Variants in OR2T12 observed in about 807,000 individuals in gnomAD.
The protein encoded by OR2T12 is olfactory receptor family 2 subfamily T member 12, also known as olfactory receptor 2T12.
For missense variants in OR2T12, 335 were observed against 404.3 expected (o/e 0.83, Z 1.47); for synonymous variants, 127 against 160.5 (o/e 0.79, Z 1.58).
rs755300072 is a variant in OR2T12, at chr1:248,295,421, A to G, written c.158T>C (p.Leu53Pro). 1.7e-5 allele frequency: 28 copies of G among 1,609,790 alleles called. 1 individual carries two copies. In the Middle Eastern group the frequency reaches 9.9e-4, roughly 57 times the overall value. The change falls in exon 3 of 3, where the codon CTC becomes CCC. Residue 53 changes from leucine to proline, a missense_variant. Transcript: ENST00000641276. ...CAGGAGGAAGTACATGGGCCTGTGG[A>G]GCCGGTGGTCCCAGTGAATCAGGAG... ...MILLIHWDHR[L>P]HRPMYFLLSQ...
rs779382803 is a variant in OR2T12 at position 248,295,028 on chromosome 1, C to T, written c.551G>A (p.Arg184His). Reference protein sequence around the residue: ...HFFCEAPVLVRLACADTSVFE... With the variant: ...HFFCEAPVLVHLACADTSVFE... ...GACTGAAGTGTCAGCACAAGCCAAA[C>T]GCACCAACACGGGGGCCTCGCAGAA... The change falls in exon 3 of 3, where the codon CGT becomes CAT. Residue 184 changes from arginine (R) to histidine (H), a missense_variant. Physicochemically the swap from Arg to His is conservative, Grantham distance 29. Transcript: ENST00000641276. 12 of 1,609,956 alleles carry T rather than the reference C, an allele frequency of 7.5e-6. No individual in the cohort carries two copies. The highest frequency in any genetic ancestry group is 1.1e-5 in the South Asian group (1 of 90,892).
chr1:248,299,150 A>T (rs1659778308), intron 2 of OR2T12, among the ~76,000 whole-genome samples: 1 of 152,150 alleles, frequency 6.6e-6, no homozygotes, highest in South Asian at 2.1e-4. Context: ...TAACCAGCTA[A>T]CATCATAATG....
At chr1:248,300,048 A>G (rs1659792863) in intron 2 of OR2T12, among the ~76,000 whole-genome samples, 1 of 152,204 alleles carries the variant, frequency 6.6e-6, no homozygotes, top group East Asian at 1.9e-4. Context: ...ATGTAGAGGG[A>G]AATTAATAGC....
rs1659630103 is a variant in OR2T12, at chr1:248,291,279, A to G, written c.*3337T>C. On this transcript the variant is annotated 3_prime_UTR_variant, in exon 3 of 3. Coordinates refer to ENST00000641276, the MANE Select transcript of OR2T12 (RefSeq NM_001004692.2). ...ACAATATCAATGTGTAAAAATCACA[A>G]GCTTTCCCATACACCAATAATAGAC... 2 of 152,078 alleles carry G rather than the reference A, an allele frequency of 1.3e-5. No homozygotes were observed. Among genetic ancestry groups the G allele is most frequent in the African/African-American group, 4.8e-5 (2 of 41,370 alleles). The allele number at this position is 152,078 out of a possible 1,614,324, so 9.4% of individuals were successfully genotyped here.
chr1:248,295,210 A>G lies in OR2T12; in HGVS notation c.369T>C (p.Ala123=), dbSNP rs776066398. The G allele has an allele frequency of 6.8e-6, 11 of 1,609,974 alleles. No homozygotes were observed. Among genetic ancestry groups the G allele is most frequent in the Admixed American group, 1.7e-5 (1 of 59,806 alleles). ...LAAMAYDRYA[A]VCHPLRYPTL... is the part of the protein sequence containing the mutation. ...TGGGATATCGGAGTGGGTGGCAGACAGCCGCATAGCGGTCATAGGCCATGG... is the reference window on the plus strand; with the variant it reads ...TGGGATATCGGAGTGGGTGGCAGACGGCCGCATAGCGGTCATAGGCCATGG... Residue 123 remains alanine, a synonymous_variant, in exon 3 of 3, where the codon GCT becomes GCC. Coordinates refer to ENST00000641276, the MANE Select transcript of OR2T12 (RefSeq NM_001004692.2).
intron 1 of OR2T12, among the ~76,000 whole-genome samples, 162 bp from the exon 2 acceptor site, chr1:248,301,715 ATT>A (rs2103040117): frequency 6.6e-6 from 1 of 152,170 alleles, no homozygotes; most frequent in Non-Finnish European, 1.5e-5. Context: ...TCTAATCTAC[ATT>A]GTTTCTGTTG....
Position 248,294,763 on chromosome 1 carries a change from C to T in OR2T12, c.816G>A (p.Val272=), listed in dbSNP as rs763282816. ...SHRSTNHDKV[V]SAFYTMFTPL... is the part of the protein sequence containing the mutation. ...GGGTGAACATAGTATAGAAGGCTGA[C>T]ACAACCTTATCGTGGTTAGTGGACC... Residue 272 remains valine, a synonymous_variant, in exon 3 of 3, where the codon GTG becomes GTA. Transcript: ENST00000641276. The T allele has an allele frequency of 1.9e-6, 3 of 1,614,004 alleles. No homozygotes were observed. In the Admixed American group the frequency reaches 5.0e-5, roughly 27 times the overall value.
intron 2 of OR2T12, among the ~76,000 whole-genome samples, chr1:248,296,014 C>G (rs1450643944): frequency 6.8e-6 from 1 of 146,984 alleles, no homozygotes; most frequent in Non-Finnish European, 1.5e-5. Context: ...CTCCCCCAAC[C>G]CCACAACAGT....
chr1:248,293,080 A>T lies in OR2T12; in HGVS notation c.*1536T>A, dbSNP rs1168479648. 6.6e-6 allele frequency: 1 copy of T among 152,152 alleles called. No individual in the cohort carries two copies. The highest frequency in any genetic ancestry group is 2.4e-5 in the African/African-American group (1 of 41,452). The allele number at this position is 152,152 out of a possible 1,614,324, so 9.4% of individuals were successfully genotyped here. The stretch of plus-strand genomic sequence containing the variant: ...GTAGGAAACTCTTAGTCTTAAACAG[A>T]TGACACTCTCTCCTGTCATCCTCAA... On this transcript the variant is annotated 3_prime_UTR_variant, in exon 3 of 3. Transcript: ENST00000641276.
At chr1:248,301,808 A>G (rs1418328698) in intron 1 of OR2T12, among the ~76,000 whole-genome samples, 1 of 152,058 alleles carries the variant, frequency 6.6e-6, no homozygotes, top group African/African-American at 2.4e-5. Context: ...TAACCTCATC[A>G]TGTCTGCAAG....
rs113201762 is a variant in OR2T12, at chr1:248,295,597, G to T, written c.-8-11C>A. On this transcript the variant is annotated splice_polypyrimidine_tract_variant and intron_variant, in intron 2 of 2. Coordinates refer to ENST00000641276, the MANE Select transcript of OR2T12 (RefSeq NM_001004692.2). ...TCTCCATAATTTCCCCTGGTGTGATGGTGCAAATGGAAAAATAGAGAAAGA... is the reference window on the plus strand; with the variant it reads ...TCTCCATAATTTCCCCTGGTGTGATTGTGCAAATGGAAAAATAGAGAAAGA... 3.7e-3 allele frequency: 5,706 copies of T among 1,548,794 alleles called. 175 individuals carry two copies. In the African/African-American group the frequency reaches 0.068, roughly 19 times the overall value.
Position 248,295,452 on chromosome 1 carries a change from T to C in OR2T12, c.127A>G (p.Met43Val), listed in dbSNP as rs374393992. Residue 43 changes from methionine (M) to valine (V), a missense_variant, in exon 3 of 3, where the codon ATG becomes GTG. Transcript: ENST00000641276. The part of the protein sequence containing the change: ...VLTSLFSNAL[M>V]ILLIHWDHRL... ...TGGTCCCAGTGAATCAGGAGAATCATGAGGGCATTGCTAAACAGGGAGGTC... is the reference window on the plus strand; with the variant it reads ...TGGTCCCAGTGAATCAGGAGAATCACGAGGGCATTGCTAAACAGGGAGGTC... The C allele has an allele frequency of 6.2e-7, 1 of 1,612,262 alleles. No individual in the cohort carries two copies. Among genetic ancestry groups the C allele is most frequent in the Non-Finnish European group, 8.5e-7 (1 of 1,179,540 alleles).
At chr1:248,301,092 C>A (rs1659805665) in intron 2 of OR2T12, among the ~76,000 whole-genome samples, 1 of 152,016 alleles carries the variant, frequency 6.6e-6, no homozygotes, top group Admixed American at 6.6e-5. Context: ...TTTTCACCTC[C>A]CTTCATTGCC....
rs1328750851 is a variant in OR2T12, at chr1:248,291,935, A to G, written c.*2681T>C. On this transcript the variant is annotated 3_prime_UTR_variant, in exon 3 of 3. Transcript: ENST00000641276. The stretch of plus-strand genomic sequence containing the variant: ...TCAACTTTATACAAAAAATCACTCA[A>G]GATGAAGACTTAAACATAAAACATA... 6.6e-6 allele frequency: 1 copy of G among 152,112 alleles called. No individual in the cohort carries two copies. Among genetic ancestry groups the G allele is most frequent in the African/African-American group, 2.4e-5 (1 of 41,440 alleles). The allele number at this position is 152,112 out of a possible 1,614,324, so 9.4% of individuals were successfully genotyped here. A position where few individuals can be genotyped will look rare whatever the true frequency, so the allele number is the denominator to read the frequency against.
chr1:248,301,010 T>G (rs1375691526), intron 2 of OR2T12, among the ~76,000 whole-genome samples: 1 of 152,102 alleles, frequency 6.6e-6, no homozygotes, highest in East Asian at 1.9e-4. Flanking sequence ...AATCTACATA[T>G]CCCTCTGAAT....
intron 2 of OR2T12, among the ~76,000 whole-genome samples, chr1:248,297,668 T>G (rs1268656809): frequency 6.6e-6 from 1 of 151,976 alleles, no homozygotes; most frequent in Non-Finnish European, 1.5e-5. Flanking sequence ...TATTGGTGTA[T>G]AAGAATGCTT....
At chr1:248,300,004 T>C (rs148633222) in intron 2 of OR2T12, among the ~76,000 whole-genome samples, 3,176 of 152,052 alleles carry the variant, frequency 0.021, 102 homozygotes, top group African/African-American at 0.073. Context: ...AAAGACACAA[T>C]ATACCAGGAT....
chr1:248,297,647 T>C (rs1659750703), intron 2 of OR2T12, among the ~76,000 whole-genome samples: 1 of 152,144 alleles, frequency 6.6e-6, no homozygotes, highest in African/African-American at 2.4e-5. Context: ...ATGATTTGGC[T>C]CTCTGTCTGT....
chr1:248,299,478 A>C (rs187363674), intron 2 of OR2T12, among the ~76,000 whole-genome samples: 2,284 of 152,262 alleles, frequency 0.015, 26 homozygotes, highest in Non-Finnish European at 0.025. Flanking sequence ...TTCAACAAGA[A>C]GAGCTAACTA....
Sources: gnomAD v4.1 joint callset for allele counts (sites outside exome capture counted in the v4.1 genomes callset) on GRCh38, gnomAD v4.1.1 for gene constraint, MANE v1.5 for transcripts, NCBI Gene and HGNC (gene_info 2026-07-23, HGNC 2026-07-21) for gene names.